Variants in CNTN3 observed in about 807,000 individuals in gnomAD.
CNTN3 encodes the protein contactin 3.
In CNTN3, 60 loss-of-function variants were observed where a neutral mutation model predicts 119.1. The observed-to-expected ratio is 0.50, with a 90% CI of 0.41 to 0.62. The LOEUF (loss-of-function observed/expected upper bound fraction) is 0.62. Ranked by LOEUF, CNTN3 falls within the 20% of genes least tolerant of loss-of-function variation. The pLI, the probability that CNTN3 is intolerant of heterozygous loss-of-function variation, is 0.00. For synonymous variants in CNTN3, 450 were observed against 438.7 expected, an observed-to-expected ratio of 1.03 and a Z score of -0.32; for missense variants, 1,101 against 1,242.4, an observed-to-expected ratio of 0.89 and a Z score of 1.71.
intron 3 of CNTN3, among the ~76,000 whole-genome samples, chr3:74,490,905 A>G (rs1702951712): frequency 6.6e-6 from 1 of 152,194 alleles, no homozygotes; most frequent in African/African-American, 2.4e-5. Flanking sequence ...ACAAAGCAAT[A>G]TAATTATTTT....
chr3:74,348,818 A>C (rs1703753007), intron 11 of CNTN3, among the ~76,000 whole-genome samples: 1 of 152,180 alleles, frequency 6.6e-6, no homozygotes, highest in South Asian at 2.1e-4. Flanking sequence ...ATGGTGGCTC[A>C]TGCCTGTAAT....
intron 13 of CNTN3, among the ~76,000 whole-genome samples, chr3:74,316,223 AC>A (rs1403413537): frequency 6.6e-6 from 1 of 152,204 alleles, no homozygotes; most frequent in Non-Finnish European, 1.5e-5. Flanking sequence ...TGGCCAAAAA[AC>A]ATATGAAAAA....
At chr3:74,322,213 G>T (rs375485432) in intron 13 of CNTN3, among the ~76,000 whole-genome samples, 18 of 149,144 alleles carry the variant, frequency 1.2e-4, no homozygotes, top group African/African-American at 4.2e-4. Context: ...GAGAAGATGA[G>T]CCATAGACTT....
intron 4 of CNTN3, among the ~76,000 whole-genome samples, chr3:74,452,579 TC>T (rs1702180099): frequency 8.0e-6 from 1 of 125,250 alleles, no homozygotes; most frequent in South Asian, 2.4e-4. Flanking sequence ...AGAGAGGGCA[TC>T]CCTGTCTTCT....
intron 17 of CNTN3, 62 bp downstream of exon 17, chr3:74,299,806 A>C: frequency 7.3e-7 from 1 of 1,370,696 alleles, no homozygotes; most frequent in Non-Finnish European, 1.0e-6. Context: ...ACCACCTGGG[A>C]AGCCATAATG....
At chr3:74,468,565 T>C (rs534866512) in intron 4 of CNTN3, among the ~76,000 whole-genome samples, 32 of 152,270 alleles carry the variant, frequency 2.1e-4, no homozygotes, top group African/African-American at 7.2e-4. Context: ...GGGGTAAATA[T>C]CTTAATTGAA....
chr3:74,493,745 T>C (rs1034461000), intron 3 of CNTN3, among the ~76,000 whole-genome samples: 1 of 152,172 alleles, frequency 6.6e-6, no homozygotes, highest in Non-Finnish European at 1.5e-5. Context: ...ATGAGAATAA[T>C]TGCAGCCTTC....
intron 11 of CNTN3, among the ~76,000 whole-genome samples, chr3:74,340,027 G>A (rs1487370870): frequency 6.6e-6 from 1 of 151,990 alleles, no homozygotes; most frequent in African/African-American, 2.4e-5. Flanking sequence ...AAAATAAACA[G>A]ATAATAACAA....
intron 2 of CNTN3, among the ~76,000 whole-genome samples, chr3:74,507,163 A>T (rs1703276524): frequency 6.6e-6 from 1 of 152,190 alleles, no homozygotes; most frequent in Non-Finnish European, 1.5e-5. Context: ...TCACATCTAT[A>T]ATCACAGCAC....
At chr3:74,428,666 A>G (rs1236407672) in intron 4 of CNTN3, among the ~76,000 whole-genome samples, 1 of 152,188 alleles carries the variant, frequency 6.6e-6, no homozygotes, top group Non-Finnish European at 1.5e-5. Flanking sequence ...TCACTGAAAC[A>G]TATTTTTATA....
chr3:74,277,332 C>G (rs1197354486), intron 20 of CNTN3, among the ~76,000 whole-genome samples: 2 of 152,038 alleles, frequency 1.3e-5, no homozygotes, highest in African/African-American at 4.8e-5. Context: ...AACTACAGAC[C>G]GATATCCCTG....
intron 5 of CNTN3, among the ~76,000 whole-genome samples, chr3:74,391,477 G>A (rs911081916): frequency 6.0e-5 from 9 of 150,342 alleles, no homozygotes; most frequent in African/African-American, 2.2e-4. Flanking sequence ...CTTAATATAT[G>A]TAAAGTACAT....
At chr3:74,319,456 T>C (rs934659464) in intron 13 of CNTN3, among the ~76,000 whole-genome samples, 9 of 152,158 alleles carry the variant, frequency 5.9e-5, no homozygotes, top group Admixed American at 4.6e-4. Flanking sequence ...GAAAACTGGC[T>C]AGCAATATGT....
At chr3:74,378,007 G>A (rs1220090411) in intron 5 of CNTN3, among the ~76,000 whole-genome samples, 4 of 152,176 alleles carry the variant, frequency 2.6e-5, no homozygotes, top group Non-Finnish European at 5.9e-5. Flanking sequence ...ATTGCAGTTA[G>A]GCAAAATTTA....
rs75859781 is a variant in CNTN3 at position 74,493,546 on chromosome 3, T to C, written c.182+6113A>G. On this transcript the variant is annotated intron_variant, in intron 3 of 22. Transcript: ENST00000263665. ...TACGAAAATTTGGGGGGGTCTGGGA[T>C]TTGGGTTTAGGAAATATGCCCACAC... 4.8e-3 allele frequency among the ~76,000 whole-genome samples: 731 copies of C among 152,166 alleles called. 9 individuals are homozygous for C. Among genetic ancestry groups the C allele is most frequent in the African/African-American group, 0.017 (703 of 41,530 alleles).
intron 1 of CNTN3, among the ~76,000 whole-genome samples, chr3:74,580,637 T>G (rs913525430): frequency 1.3e-5 from 2 of 152,050 alleles, no homozygotes; most frequent in Non-Finnish European, 2.9e-5. Flanking sequence ...ACTATCTCAA[T>G]AGATTAAGAA....
chr3:74,353,317 C>T (rs1467515325), intron 11 of CNTN3, among the ~76,000 whole-genome samples: 1 of 152,188 alleles, frequency 6.6e-6, no homozygotes, highest in African/African-American at 2.4e-5. Flanking sequence ...AGTTTAGATT[C>T]TGCTTGTAAG....
At chr3:74,301,048 C>T (rs1186035080) in intron 16 of CNTN3, among the ~76,000 whole-genome samples, 1 of 152,198 alleles carries the variant, frequency 6.6e-6, no homozygotes, top group Non-Finnish European at 1.5e-5. Flanking sequence ...ATGTCATTAT[C>T]CTACCAATTT....
At chr3:74,599,889 C>T (rs1034111760) in intron 1 of CNTN3, among the ~76,000 whole-genome samples, 4 of 151,962 alleles carry the variant, frequency 2.6e-5, no homozygotes, top group African/African-American at 9.7e-5. Flanking sequence ...TTACATAATG[C>T]TGATGGGACT....
Sources: gnomAD v4.1 joint callset for allele counts (sites outside exome capture counted in the v4.1 genomes callset) on GRCh38, gnomAD v4.1.1 for gene constraint, MANE v1.5 for transcripts, NCBI Gene and HGNC (gene_info 2026-07-23, HGNC 2026-07-21) for gene names.